MYH14: variants seen among roughly 807,000 people sequenced by gnomAD.
The protein encoded by MYH14 is myosin-14.
A neutral mutation model predicts 255.5 loss-of-function variants in MYH14; 123 were observed. The observed-to-expected ratio is 0.48, with a 90% CI of 0.42 to 0.56. The LOEUF (loss-of-function observed/expected upper bound fraction) is 0.56, where lower values mean the gene tolerates loss of function less well. MYH14 is among the 20% of genes least tolerant of loss of function. MYH14 has a pLI of 0.00. For synonymous variants in MYH14, 1,095 were observed against 1,161.2 expected, an observed-to-expected ratio of 0.94 and a Z score of 1.16; for missense variants, 2,423 against 2,802.3, an observed-to-expected ratio of 0.86 and a Z score of 3.06.
At position 50,223,123 on chromosome 19, in the gene MYH14, G is replaced by A. The variant is rs727504954; in HGVS notation, c.590+13G>A. 1.2e-6 allele frequency: 2 copies of A among 1,613,720 alleles called. No individual in the cohort carries two copies. The highest frequency in any genetic ancestry group is 2.2e-5 in the East Asian group (1 of 44,882). ...CCATTCTCTGCACGTGAGTAATCTGGAAGGACTTCCTGGAGGAGGAGAGGT... is the reference window on the plus strand; with the variant it reads ...CCATTCTCTGCACGTGAGTAATCTGAAAGGACTTCCTGGAGGAGGAGAGGT... On this transcript the variant is annotated intron_variant, in intron 4 of 42. Transcript: ENST00000642316.
intron 10 of MYH14, among the ~76,000 whole-genome samples, chr19:50,237,276 C>G (rs1351461286): frequency 1.3e-5 from 2 of 152,012 alleles, no homozygotes; most frequent in African/African-American, 4.8e-5. Flanking sequence ...AACCGGTGAC[C>G]TCTTGTGTTT....
Position 50,210,525 on chromosome 19 carries a change from C to T in MYH14, c.160C>T (p.Arg54Cys), listed in dbSNP as rs1005071052. The change falls in exon 2 of 43, where the codon CGT becomes TGT. Residue 54 changes from arginine (R) to cysteine (C), a missense_variant. Coordinates refer to ENST00000642316, the MANE Select transcript of MYH14 (RefSeq NM_001145809.2). The part of the protein sequence containing the change: ...TSPQVEWTAR[R>C]LVWVPSELHG... ...CCCGCAGGTGGAGTGGACGGCCCGG[C>T]GTCTCGTGTGGGTGCCTTCGGAGCT... is the stretch of plus-strand genomic sequence containing the variant. 1 of 1,575,446 alleles carries T rather than the reference C, an allele frequency of 6.3e-7. No homozygotes were observed. Among genetic ancestry groups the T allele is most frequent in the Non-Finnish European group, 8.6e-7 (1 of 1,162,526 alleles).
Position 50,252,260 on chromosome 19 carries a change from A to G in MYH14, c.1831-379A>G, listed in dbSNP as rs60193411. Among the ~76,000 whole-genome samples, 13,014 of 152,262 alleles carry G rather than the reference A, an allele frequency of 0.085. 662 individuals carry two copies. Among genetic ancestry groups the G allele is most frequent in the Admixed American group, 0.14 (2,104 of 15,288 alleles). ...CCCCACAGCAAAGCCCTGAGTACCC[A>G]GAAGGAGCCAGTGGTGTGAAACCCA... On this transcript the variant is annotated intron_variant, in intron 15 of 42. Transcript: ENST00000642316. This position sits in a 1 kb window ranked among gnomAD's most constrained non-coding sequence, Gnocchi z 4.2.
In MYH14 at chr19:50,293,430, G is replaced by A; in HGVS notation, c.5345+109G>A. On this transcript the variant is annotated intron_variant, in intron 38 of 42. Coordinates refer to ENST00000642316, the MANE Select transcript of MYH14 (RefSeq NM_001145809.2). This position sits in a 1 kb window ranked among gnomAD's most constrained non-coding sequence, Gnocchi z 4.1. Reference sequence around the variant, plus strand: ...GGACAGGAAACTGGGAGGTGGGCGGGGTTAACCTCGGGGCCCCTGGGGTGT... The same window carrying A: ...GGACAGGAAACTGGGAGGTGGGCGGAGTTAACCTCGGGGCCCCTGGGGTGT... 1 of 1,521,974 alleles carries A rather than the reference G, an allele frequency of 6.6e-7. No individual in the cohort carries two copies. Among genetic ancestry groups the A allele is most frequent in the Non-Finnish European group, 8.9e-7 (1 of 1,119,116 alleles). 94.3% of individuals were successfully genotyped at this position (1,521,974 alleles called of 1,614,324 possible). A position where few individuals can be genotyped will look rare whatever the true frequency, so the allele number is the denominator to read the frequency against.
At chr19:50,308,047 G>A (rs1185728229) in intron 41 of MYH14, among the ~76,000 whole-genome samples, 1 of 152,188 alleles carries the variant, frequency 6.6e-6, no homozygotes, top group Admixed American at 6.5e-5. Flanking sequence ...TACAGATTGT[G>A]ACAAGGGCTA....
At chr19:50,246,979 GA>G (rs2034153814) in intron 11 of MYH14, 24 bp from the exon 12 acceptor site, 1 of 1,548,560 alleles carries the variant, frequency 6.5e-7, no homozygotes, top group South Asian at 1.1e-5. Context: ...AGTGCTGATG[GA>G]ATCTTGGTGC....
chr19:50,267,623 AAATAAT>A (rs56141769), intron 23 of MYH14, among the ~76,000 whole-genome samples: 1 of 149,146 alleles, frequency 6.7e-6, no homozygotes, highest in Non-Finnish European at 1.5e-5. Flanking sequence ...TCTGTCTCAA[AAATAAT>A]AATAATAATA....
At chr19:50,299,832 C>G (rs2036418490) in intron 39 of MYH14, among the ~76,000 whole-genome samples, 1 of 150,562 alleles carries the variant, frequency 6.6e-6, no homozygotes, top group African/African-American at 2.4e-5. Flanking sequence ...GTAATCCCAG[C>G]TACTCAGGAG....
intron 18 of MYH14, among the ~76,000 whole-genome samples, 186 bp from the exon 19 acceptor site, chr19:50,258,952 AACTCTC>A (rs1191410685): frequency 5.9e-5 from 9 of 151,956 alleles, no homozygotes; most frequent in Non-Finnish European, 1.0e-4. Flanking sequence ...TCTCCTACTG[AACTCTC>A]AGTTCCCCAG....
intron 39 of MYH14, 47 bp from the exon 40 acceptor site, chr19:50,301,614 C>T (rs772373064): frequency 4.7e-6 from 7 of 1,498,572 alleles, no homozygotes. Context: ...CTACCACCTT[C>T]CCTCTGAGAC....
chr19:50,291,166 C>A, intron 36 of MYH14, 118 bp downstream of exon 36: 1 of 872,872 alleles, frequency 1.1e-6, no homozygotes, highest in Non-Finnish European at 1.7e-6. Context: ...GCAGCATCCG[C>A]ATGGGTCAGC....
chr19:50,264,932 G>A (rs985601321), intron 22 of MYH14, among the ~76,000 whole-genome samples: 1 of 152,198 alleles, frequency 6.6e-6, no homozygotes, highest in Non-Finnish European at 1.5e-5. Flanking sequence ...GAGAAGGATG[G>A]AGGTTTTGGG....
intron 1 of MYH14, among the ~76,000 whole-genome samples, chr19:50,206,386 A>C (rs1450033902): frequency 1.9e-5 from 2 of 106,406 alleles, no homozygotes; most frequent in Non-Finnish European, 3.6e-5. Context: ...GTCAAAGGCC[A>C]CAGGGCTGGT....
chr19:50,242,068 C>G (rs1305310424), intron 10 of MYH14, among the ~76,000 whole-genome samples: 1 of 152,146 alleles, frequency 6.6e-6, no homozygotes, highest in Non-Finnish European at 1.5e-5. Context: ...ACGCAAATGT[C>G]CAGGGGGCCA....
rs141438849 is a variant in MYH14 at position 50,213,477 on chromosome 19, G to C, written c.405+2707G>C. On this transcript the variant is annotated intron_variant, in intron 2 of 42. Coordinates refer to ENST00000642316, the MANE Select transcript of MYH14 (RefSeq NM_001145809.2). ...TAGGAAGATTATTCAGAAAGTTCAG[G>C]AGAAAAAGTGGTAGGGCCTGAGCTA... Among the ~76,000 whole-genome samples the C allele has an allele frequency of 5.4e-3, 826 of 152,258 alleles. 3 individuals carry two copies. The highest frequency in any genetic ancestry group is 8.9e-3 in the Non-Finnish European group (608 of 68,016).
chr19:50,273,256 A>C (rs945086203), intron 27 of MYH14, among the ~76,000 whole-genome samples: 1 of 135,062 alleles, frequency 7.4e-6, no homozygotes, highest in Non-Finnish European at 1.5e-5. Flanking sequence ...ACACCACTGC[A>C]CTCTAGCCTG....
Position 50,284,389 on chromosome 19 carries a change from C to T in MYH14, c.4540-2093C>T, listed in dbSNP as rs544526412. On this transcript the variant is annotated intron_variant, in intron 33 of 42. Coordinates refer to ENST00000642316, the MANE Select transcript of MYH14 (RefSeq NM_001145809.2). The stretch of plus-strand genomic sequence containing the variant: ...TGTTTGTTTGTTTTGTTTTTTGAGA[C>T]GGAGTCTTGCACTGTTGCCCGGGCT... 1.1e-4 allele frequency among the ~76,000 whole-genome samples: 16 copies of T among 151,978 alleles called. 1 individual carries two copies. In the South Asian group the frequency reaches 2.1e-3, roughly 20 times the overall value.
chr19:50,297,123 C>G (rs889274484), intron 39 of MYH14, among the ~76,000 whole-genome samples: 2 of 152,026 alleles, frequency 1.3e-5, no homozygotes, highest in Non-Finnish European at 2.9e-5. Context: ...GTAGCTGGGA[C>G]TACAAGCATG....
chr19:50,234,387 C>T (rs1435015215), intron 10 of MYH14, among the ~76,000 whole-genome samples: 9 of 152,178 alleles, frequency 5.9e-5, no homozygotes, highest in Admixed American at 5.2e-4. Flanking sequence ...CTGGGCTGAG[C>T]CAGGGCCGCC....
Sources: allele counts gnomAD v4.1 joint callset (sites outside exome capture counted in the v4.1 genomes callset), GRCh38; gene constraint gnomAD v4.1.1; non-coding constraint Gnocchi (gnomAD v3.1); transcripts MANE v1.5; gene names NCBI Gene and HGNC (gene_info 2026-07-23, HGNC 2026-07-21).